Variants in GADL1 observed in about 807,000 individuals in gnomAD.
GADL1 encodes acidic amino acid decarboxylase GADL1.
GADL1 carries 71 observed loss-of-function variants against 69.5 expected under a neutral mutation model. That is an observed-to-expected ratio of 1.02 (90% CI 0.84 to 1.25). The LOEUF is 1.25. Among genes scored for constraint, GADL1 ranks in the 50% most tolerant of loss-of-function variants. The pLI, the probability that GADL1 is intolerant of heterozygous loss-of-function variation, is 0.00. For missense variants in GADL1, 737 were observed against 631.8 expected (o/e 1.17, Z -1.79); for synonymous variants, 254 against 214.4 (o/e 1.18, Z -1.62).
At chr3:30,883,796 T>G (rs777655662) in intron 1 of GADL1, among the ~76,000 whole-genome samples, 8 of 152,046 alleles carry the variant, frequency 5.3e-5, no homozygotes, top group Non-Finnish European at 1.0e-4. Flanking sequence ...TCTTCATTTA[T>G]TTGTGTCTTT....
intron 11 of GADL1, among the ~76,000 whole-genome samples, chr3:30,810,621 C>A (rs9878921): frequency 6.6e-6 from 1 of 151,972 alleles, no homozygotes; most frequent in Non-Finnish European, 1.5e-5. Context: ...CAAAGAGATC[C>A]TACAGCCCTG....
At position 30,872,596 on chromosome 3, in the gene GADL1, C is replaced by T. The variant is rs58056869; in HGVS notation, c.38-10831G>A. On this transcript the variant is annotated intron_variant, in intron 1 of 14. Transcript: ENST00000282538. ...TAACTAGCATCCCAACTAGAACCAC[C>T]CTTCCCCTAGGACATGGTCTTGGTG... is the stretch of plus-strand genomic sequence containing the variant. 0.013 allele frequency among the ~76,000 whole-genome samples: 1,987 copies of T among 151,952 alleles called. 98 individuals carry two copies. The East Asian group carries it at 0.16, about 12-fold the overall frequency.
At chr3:30,783,856 T>C (rs996247907) in intron 13 of GADL1, among the ~76,000 whole-genome samples, 2 of 152,104 alleles carry the variant, frequency 1.3e-5, no homozygotes, top group African/African-American at 4.8e-5. Flanking sequence ...TGGTAAGTGG[T>C]TTTTCTTTTC....
chr3:30,763,631 TC>T (rs1430393744), intron 14 of GADL1, among the ~76,000 whole-genome samples: 4 of 152,140 alleles, frequency 2.6e-5, no homozygotes, highest in African/African-American at 9.7e-5. Flanking sequence ...CCAACTATAG[TC>T]TAAGAGGAAG....
chr3:30,835,377 T>C (rs1697857310), intron 9 of GADL1, among the ~76,000 whole-genome samples: 1 of 152,056 alleles, frequency 6.6e-6, no homozygotes, highest in Non-Finnish European at 1.5e-5. Flanking sequence ...TAGACCTTAA[T>C]ATCATGTAAA....
At chr3:30,891,771 AT>A (rs1156522216) in intron 1 of GADL1, among the ~76,000 whole-genome samples, 1 of 152,166 alleles carries the variant, frequency 6.6e-6, no homozygotes, top group Non-Finnish European at 1.5e-5. Context: ...CCAGTGATGA[AT>A]TTTGCCTGTT....
chr3:30,773,233 T>C (rs1696458653), intron 14 of GADL1, among the ~76,000 whole-genome samples: 1 of 152,190 alleles, frequency 6.6e-6, no homozygotes, highest in African/African-American at 2.4e-5. Flanking sequence ...AGGTAATACA[T>C]GTAGATAATT....
chr3:30,846,052 A>G (rs1327780892), intron 6 of GADL1, among the ~76,000 whole-genome samples: 1 of 139,196 alleles, frequency 7.2e-6, no homozygotes, highest in Admixed American at 7.5e-5. Flanking sequence ...AGATAGATAG[A>G]TCAAAAAAAA....
At chr3:30,735,543 C>A (rs948774757) in intron 14 of GADL1, among the ~76,000 whole-genome samples, 3 of 152,142 alleles carry the variant, frequency 2.0e-5, no homozygotes, top group African/African-American at 7.2e-5. Flanking sequence ...TCAAAGGCTG[C>A]CTTCTATATG....
At chr3:30,790,031 G>C (rs1696880825) in intron 12 of GADL1, among the ~76,000 whole-genome samples, 2 of 152,138 alleles carry the variant, frequency 1.3e-5, no homozygotes, top group African/African-American at 4.8e-5. Context: ...TTGGCTATTT[G>C]GCAAAAGAGG....
At chr3:30,838,942 C>A in intron 9 of GADL1, 55 bp downstream of exon 9, 1 of 1,080,856 alleles carries the variant, frequency 9.3e-7, no homozygotes, top group South Asian at 1.6e-5. Context: ...AAATTTCTAC[C>A]AAGGCTACAA....
chr3:30,850,627 A>C (rs1001970071), intron 5 of GADL1, among the ~76,000 whole-genome samples: 67 of 152,166 alleles, frequency 4.4e-4, no homozygotes, highest in African/African-American at 1.6e-3. Context: ...AACTGTAGGC[A>C]CCTCATTCAT....
rs999908904 is a variant in GADL1, at chr3:30,728,023, T to C, written c.*219A>G. 1 of 316,922 alleles carries C rather than the reference T, an allele frequency of 3.2e-6. No homozygotes were observed. 19.6% of individuals were successfully genotyped at this position (316,922 alleles called of 1,614,324 possible). On this transcript the variant is annotated 3_prime_UTR_variant, in exon 15 of 15. Transcript: ENST00000282538. ...CCAGGGGCATTCCTTGAGAAAATCA[T>C]TTTTTTTTTTAAACTTTCTTCTTTT...
chr3:30,742,846 T>C (rs1162715137), intron 14 of GADL1, among the ~76,000 whole-genome samples: 1 of 152,174 alleles, frequency 6.6e-6, no homozygotes, highest in Non-Finnish European at 1.5e-5. Context: ...TTGCTACATT[T>C]AAGTGGGAGA....
chr3:30,767,449 CTG>C (rs374151177), intron 14 of GADL1, among the ~76,000 whole-genome samples: 174 of 152,120 alleles, frequency 1.1e-3, no homozygotes, highest in African/African-American at 3.6e-3. Context: ...GATTGGAAAA[CTG>C]AAATAGTTTT....
At chr3:30,741,880 T>C (rs1695631668) in intron 14 of GADL1, among the ~76,000 whole-genome samples, 1 of 152,118 alleles carries the variant, frequency 6.6e-6, no homozygotes, top group South Asian at 2.1e-4. Flanking sequence ...CTGTGTGGCC[T>C]CCAAGGCAAG....
At chr3:30,837,677 T>G (rs7640314) in intron 9 of GADL1, among the ~76,000 whole-genome samples, 28 of 152,264 alleles carry the variant, frequency 1.8e-4, no homozygotes, top group African/African-American at 6.7e-4. Context: ...TGATGTTTCT[T>G]TTATGAGAGT....
chr3:30,854,769 G>T lies in GADL1; in HGVS notation c.358C>A (p.Gln120Lys). The T allele has an allele frequency of 3.2e-6, 5 of 1,547,416 alleles. No individual in the cohort carries two copies. The highest frequency in any genetic ancestry group is 3.5e-6 in the Non-Finnish European group (4 of 1,144,122). ...VKTNHPRFFN[Q>K]LYAGLDYYSL... ...TAATAATCAAGTCCAGCATACAATT[G>T]GTTGAAAAATCTTGGGTGGTCTGTA... Residue 120 changes from glutamine (Q) to lysine (K), a missense_variant, in exon 4 of 15, where the codon CAA becomes AAA. By Grantham distance (53) the Gln-to-Lys change is moderately conservative. Transcript: ENST00000282538.
intron 12 of GADL1, among the ~76,000 whole-genome samples, chr3:30,794,436 T>G (rs1696987618): frequency 6.6e-6 from 1 of 152,058 alleles, no homozygotes; most frequent in Non-Finnish European, 1.5e-5. Context: ...AGTAAAACAT[T>G]TTTTACTTTC....
Sources: allele counts gnomAD v4.1 joint callset (sites outside exome capture counted in the v4.1 genomes callset), GRCh38; gene constraint gnomAD v4.1.1; transcripts MANE v1.5; gene names NCBI Gene and HGNC (gene_info 2026-07-23, HGNC 2026-07-21).